ANO10: variants seen among roughly 807,000 people sequenced by gnomAD.
ANO10 encodes anoctamin 10, also known as anoctamin-10.
In ANO10, 77 loss-of-function variants were observed where a neutral mutation model predicts 74.7. The observed-to-expected ratio is 1.03, with a 90% CI of 0.86 to 1.25. The LOEUF is 1.25. Ranked by LOEUF, ANO10 falls within the 50% of genes most tolerant of loss-of-function variation. ANO10 has a pLI of 0.00. For synonymous variants in ANO10, 279 were observed against 284.9 expected (o/e 0.98, Z 0.21); for missense variants, 721 against 778.1 (o/e 0.93, Z 0.87).
chr3:43,590,074 G>GT (rs1423665932), intron 4 of ANO10, among the ~76,000 whole-genome samples: 3 of 152,112 alleles, frequency 2.0e-5, no homozygotes, highest in African/African-American at 7.2e-5. Flanking sequence ...TCATATACAT[G>GT]TATTATTTTT....
chr3:43,387,538 G>A (rs1300473096), intron 12 of ANO10, among the ~76,000 whole-genome samples: 1 of 152,224 alleles, frequency 6.6e-6, no homozygotes, highest in African/African-American at 2.4e-5. Flanking sequence ...GGGGCTAAGT[G>A]AGGAGTAGAC....
intron 11 of ANO10, among the ~76,000 whole-genome samples, chr3:43,469,119 T>C (rs1410371258): frequency 7.3e-6 from 1 of 136,872 alleles, no homozygotes; most frequent in Non-Finnish European, 1.5e-5. Flanking sequence ...CTTGGCTCAC[T>C]GCAACCTCCA....
intron 1 of ANO10, among the ~76,000 whole-genome samples, chr3:43,687,918 G>A (rs563676720): frequency 3.9e-5 from 6 of 152,250 alleles, no homozygotes; most frequent in Admixed American, 3.9e-4. Flanking sequence ...AGGGTGGCAC[G>A]GTGGTCAGGA....
intron 1 of ANO10, among the ~76,000 whole-genome samples, chr3:43,620,568 A>T (rs1353844764): frequency 1.3e-5 from 2 of 152,208 alleles, no homozygotes; most frequent in African/African-American, 2.4e-5. Flanking sequence ...ACCTGAGGTC[A>T]GGAGTTCAAG....
At chr3:43,640,807 G>A (rs2083663929) in intron 1 of ANO10, among the ~76,000 whole-genome samples, 1 of 152,174 alleles carries the variant, frequency 6.6e-6, no homozygotes, top group Non-Finnish European at 1.5e-5. Flanking sequence ...TTCATGCTTA[G>A]TGCTTTTTGT....
At chr3:43,617,755 A>G (rs1185337989) in intron 1 of ANO10, among the ~76,000 whole-genome samples, 2 of 152,196 alleles carry the variant, frequency 1.3e-5, no homozygotes, top group Admixed American at 1.3e-4. Flanking sequence ...TGGAATTATC[A>G]CAAACTCAAA....
intron 10 of ANO10, among the ~76,000 whole-genome samples, chr3:43,550,237 AC>A (rs1430702747): frequency 6.6e-6 from 1 of 152,174 alleles, no homozygotes; most frequent in Non-Finnish European, 1.5e-5. Flanking sequence ...ATGTTGTGAA[AC>A]CATCCTTCTA....
chr3:43,566,073 C>G (rs549131517), intron 7 of ANO10, among the ~76,000 whole-genome samples: 3 of 152,092 alleles, frequency 2.0e-5, no homozygotes, highest in Non-Finnish European at 2.9e-5. Context: ...AAAGGGGTGA[C>G]GGACGGCACC....
At chr3:43,593,810 A>G (rs2081936487) in intron 4 of ANO10, among the ~76,000 whole-genome samples, 1 of 152,204 alleles carries the variant, frequency 6.6e-6, no homozygotes, top group Non-Finnish European at 1.5e-5. Context: ...AAAGACACAG[A>G]CTGGCAAATT....
intron 4 of ANO10, among the ~76,000 whole-genome samples, chr3:43,590,522 TAAG>T (rs149776801): frequency 0.017 from 2,617 of 152,174 alleles, 70 homozygotes; most frequent in African/African-American, 0.058. Flanking sequence ...CAGCATCACC[TAAG>T]AAGAATTCTT....
At chr3:43,631,905 A>G (rs566125977) in intron 1 of ANO10, among the ~76,000 whole-genome samples, 142 of 152,156 alleles carry the variant, frequency 9.3e-4, no homozygotes, top group African/African-American at 3.3e-3. Flanking sequence ...CAACATGGTG[A>G]AACCCCGTCT....
At chr3:43,371,771 A>AG (rs1362107816) in intron 12 of ANO10, among the ~76,000 whole-genome samples, 1 of 152,236 alleles carries the variant, frequency 6.6e-6, no homozygotes, top group Non-Finnish European at 1.5e-5. Context: ...ATGCAGCTAG[A>AG]GTCAGGGCAA....
At chr3:43,478,423 A>G (rs1316611600) in intron 11 of ANO10, among the ~76,000 whole-genome samples, 1 of 152,238 alleles carries the variant, frequency 6.6e-6, no homozygotes, top group Non-Finnish European at 1.5e-5. Flanking sequence ...AGATTAAGAA[A>G]TTAAGGTCTG....
chr3:43,529,545 G>T (rs1191591390), intron 11 of ANO10, among the ~76,000 whole-genome samples: 1 of 152,062 alleles, frequency 6.6e-6, no homozygotes, highest in Non-Finnish European at 1.5e-5. Context: ...GAAAACTTTG[G>T]CAAGATGACT....
At chr3:43,545,850 T>C (rs1306528871) in intron 11 of ANO10, among the ~76,000 whole-genome samples, 1 of 152,254 alleles carries the variant, frequency 6.6e-6, no homozygotes. Flanking sequence ...AGTTACCTTG[T>C]AAAATTCAGA....
chr3:43,578,296 C>G (rs1222042891), intron 5 of ANO10, among the ~76,000 whole-genome samples: 1 of 152,114 alleles, frequency 6.6e-6, no homozygotes, highest in Non-Finnish European at 1.5e-5. Context: ...ACACTTGGCT[C>G]CACAGCAGAT....
At chr3:43,505,708 A>G (rs764445597) in intron 11 of ANO10, among the ~76,000 whole-genome samples, 14 of 152,338 alleles carry the variant, frequency 9.2e-5, no homozygotes, top group Non-Finnish European at 1.3e-4. Context: ...AAGAAATGAA[A>G]AACTGTCAGC....
intron 11 of ANO10, among the ~76,000 whole-genome samples, chr3:43,468,700 C>CT (rs11442210): frequency 0.14 from 21,701 of 149,792 alleles, 1,984 homozygotes; most frequent in African/African-American, 0.25. Flanking sequence ...AGTGGGTTTT[C>CT]TTTTTTTTGT....
intron 1 of ANO10, among the ~76,000 whole-genome samples, chr3:43,650,029 T>C (rs1435502823): frequency 6.6e-6 from 1 of 152,236 alleles, no homozygotes; most frequent in Non-Finnish European, 1.5e-5. Context: ...ACAAGTTCAG[T>C]GGACCCTCTG....
Sources: gnomAD v4.1 joint callset for allele counts (sites outside exome capture counted in the v4.1 genomes callset) on GRCh38, gnomAD v4.1.1 for gene constraint, MANE v1.5 for transcripts, NCBI Gene and HGNC (gene_info 2026-07-23, HGNC 2026-07-21) for gene names.